IDE: variants seen among roughly 807,000 people sequenced by gnomAD.
IDE encodes the protein insulin degrading enzyme, also known as insulin-degrading enzyme.
Under a neutral mutation model 133.2 loss-of-function variants are expected in IDE, and 58 were observed. That is an observed-to-expected ratio of 0.44 (90% confidence interval 0.35 to 0.54). The LOEUF (loss-of-function observed/expected upper bound fraction) is 0.54, where lower values mean the gene tolerates loss of function less well. Ranked by LOEUF, IDE falls within the 20% of genes least tolerant of loss-of-function variation. The pLI, the probability that IDE is intolerant of heterozygous loss-of-function variation, is 0.00. For missense variants in IDE, 981 were observed against 1,234.0 expected, an observed-to-expected ratio of 0.79 and a Z score of 3.07; for synonymous variants, 396 against 421.3, an observed-to-expected ratio of 0.94 and a Z score of 0.73.
At chr10:92,565,477 C>G (rs933685055) in intron 1 of IDE, among the ~76,000 whole-genome samples, 1 of 151,926 alleles carries the variant, frequency 6.6e-6, no homozygotes, top group Non-Finnish European at 1.5e-5. Flanking sequence ...CCTATTCTCC[C>G]CAAAATCTCT....
At chr10:92,567,881 G>C (rs1052549099) in intron 1 of IDE, among the ~76,000 whole-genome samples, 3 of 152,176 alleles carry the variant, frequency 2.0e-5, no homozygotes, top group Non-Finnish European at 4.4e-5. Flanking sequence ...TGAGGTGAGA[G>C]GATCACTTGA....
rs574753583 is a variant in IDE at position 92,524,015 on chromosome 10, CAAAA to C, written c.661+7729_661+7732del. Reference sequence around the variant, plus strand: ...TACTTTAATTCCATTGAGAGGCAAACAAAAAAACAAAATAGGGCAGAAAAATGGT... The same window carrying C: ...TACTTTAATTCCATTGAGAGGCAAACAAACAAAATAGGGCAGAAAAATGGT... On this transcript the variant is annotated intron_variant, in intron 4 of 24. Coordinates refer to ENST00000265986, the MANE Select transcript of IDE (RefSeq NM_004969.4). 3.2e-4 allele frequency among the ~76,000 whole-genome samples: 48 copies of C among 150,582 alleles called. 2 individuals carry two copies. In the South Asian group the frequency reaches 9.6e-3, roughly 30 times the overall value.
intron 22 of IDE, among the ~76,000 whole-genome samples, chr10:92,457,559 T>G (rs1239087156): frequency 1.3e-5 from 2 of 152,074 alleles, no homozygotes. Flanking sequence ...GTGGATCCTG[T>G]GGGGAAGTAT....
intron 24 of IDE, among the ~76,000 whole-genome samples, chr10:92,455,249 G>A (rs1048206171): frequency 6.6e-6 from 1 of 150,722 alleles, no homozygotes; most frequent in Non-Finnish European, 1.5e-5. Flanking sequence ...GCCGACGCAG[G>A]TGGATCACTT....
At chr10:92,504,319 G>C (rs1237487170) in intron 11 of IDE, among the ~76,000 whole-genome samples, 2 of 152,060 alleles carry the variant, frequency 1.3e-5, no homozygotes, top group African/African-American at 4.8e-5. Context: ...ATAAGAGTTT[G>C]GACTTTTGAT....
chr10:92,477,601 G>A (rs756207877), intron 15 of IDE, among the ~76,000 whole-genome samples: 14 of 152,192 alleles, frequency 9.2e-5, no homozygotes, highest in Non-Finnish European at 1.8e-4. Context: ...AAGTCTCTAC[G>A]CTGTACAGGA....
At chr10:92,454,860 A>G (rs1466980004) in intron 24 of IDE, among the ~76,000 whole-genome samples, 6 of 152,144 alleles carry the variant, frequency 3.9e-5, no homozygotes, top group Non-Finnish European at 5.9e-5. Flanking sequence ...TCAGCAGAGT[A>G]GCAGAGGCTG....
At chr10:92,531,667 T>C in intron 4 of IDE, 81 bp downstream of exon 4, 1 of 528,214 alleles carries the variant, frequency 1.9e-6, no homozygotes, top group Non-Finnish European at 2.8e-6. Flanking sequence ...TACATAAATA[T>C]ATTTTATATA....
At chr10:92,479,507 C>T (rs771033208) in intron 14 of IDE, 86 bp from the exon 15 acceptor site, 14 of 979,626 alleles carry the variant, frequency 1.4e-5, no homozygotes, top group Non-Finnish European at 2.1e-5. Context: ...AGATATTGAA[C>T]ACCGGTTAAT....
At chr10:92,489,654 C>T (rs893416000) in intron 12 of IDE, among the ~76,000 whole-genome samples, 3 of 152,192 alleles carry the variant, frequency 2.0e-5, no homozygotes, top group African/African-American at 7.2e-5. Flanking sequence ...CAGCTTTCCT[C>T]TCAGTTTAGA....
chr10:92,559,885 G>A (rs1000015730), intron 1 of IDE, among the ~76,000 whole-genome samples: 5 of 151,766 alleles, frequency 3.3e-5, no homozygotes, highest in South Asian at 2.1e-4. Context: ...TTACTGGCAC[G>A]TGCCTCCACA....
intron 21 of IDE, among the ~76,000 whole-genome samples, chr10:92,461,959 C>G (rs1845416936): frequency 6.6e-6 from 1 of 151,716 alleles, no homozygotes; most frequent in African/African-American, 2.4e-5. Context: ...CAGGCGTGAG[C>G]CACTGTGCCT....
chr10:92,495,540 G>A (rs931788164), intron 11 of IDE, among the ~76,000 whole-genome samples: 2 of 151,250 alleles, frequency 1.3e-5, no homozygotes, highest in African/African-American at 4.9e-5. Context: ...TAATAGAGAC[G>A]GGGTTTCGCC....
At chr10:92,491,631 T>C (rs1847350264) in intron 11 of IDE, among the ~76,000 whole-genome samples, 1 of 149,398 alleles carries the variant, frequency 6.7e-6, no homozygotes, top group Non-Finnish European at 1.5e-5. Context: ...TTTTTTTGAG[T>C]TGGAGTTTTG....
chr10:92,547,169 G>A (rs1842566374), intron 1 of IDE, among the ~76,000 whole-genome samples: 1 of 151,984 alleles, frequency 6.6e-6, no homozygotes, highest in South Asian at 2.1e-4. Flanking sequence ...GACTTCCTGG[G>A]CTCAGGTGAT....
chr10:92,477,226 G>A (rs1158162649), intron 15 of IDE, among the ~76,000 whole-genome samples: 1 of 151,998 alleles, frequency 6.6e-6, no homozygotes, highest in Non-Finnish European at 1.5e-5. Context: ...AATCTCGGCT[G>A]ACTGCAACTT....
At chr10:92,510,198 C>T (rs766351345) in intron 5 of IDE, 36 bp from the exon 6 acceptor site, 45 of 1,066,126 alleles carry the variant, frequency 4.2e-5, no homozygotes, top group Non-Finnish European at 5.9e-5. Flanking sequence ...AGAACTTAAG[C>T]GAATCATAAC....
At chr10:92,527,318 C>A (rs1849681611) in intron 4 of IDE, among the ~76,000 whole-genome samples, 1 of 152,102 alleles carries the variant, frequency 6.6e-6, no homozygotes, top group South Asian at 2.1e-4. Context: ...TCTTCATGCA[C>A]CCCTGCTTCA....
At chr10:92,495,913 C>A (rs1847670305) in intron 11 of IDE, among the ~76,000 whole-genome samples, 1 of 150,814 alleles carries the variant, frequency 6.6e-6, no homozygotes, top group African/African-American at 2.4e-5. Context: ...GTTGCTCTAT[C>A]CCCCAGGCTG....
Sources: allele counts gnomAD v4.1 joint callset (sites outside exome capture counted in the v4.1 genomes callset), GRCh38; gene constraint gnomAD v4.1.1; transcripts MANE v1.5; gene names NCBI Gene and HGNC (gene_info 2026-07-23, HGNC 2026-07-21).